NCOA1: variants seen among roughly 807,000 people sequenced by gnomAD.
The protein encoded by NCOA1 is Hin-2 protein.
In NCOA1, 35 loss-of-function variants were observed where a neutral mutation model predicts 150.9. That is an observed-to-expected ratio of 0.23 (90% confidence interval 0.18 to 0.31). NCOA1 has a LOEUF of 0.31. Ranked by LOEUF, NCOA1 falls within the 10% of genes least tolerant of loss-of-function variation. The pLI is 1.00. For missense variants in NCOA1, 1,491 were observed against 1,749.3 expected, an observed-to-expected ratio of 0.85 and a Z score of 2.63; for synonymous variants, 590 against 630.0, an observed-to-expected ratio of 0.94 and a Z score of 0.95.
At chr2:24,693,064 G>A (rs954087242) in intron 9 of NCOA1, among the ~76,000 whole-genome samples, 188 bp from the exon 10 acceptor site, 3 of 152,142 alleles carry the variant, frequency 2.0e-5, no homozygotes, top group Non-Finnish European at 2.9e-5. Flanking sequence ...GGGTTTCACC[G>A]TGTTAGCCAG....
intron 10 of NCOA1, among the ~76,000 whole-genome samples, chr2:24,694,806 A>C (rs1303296842): frequency 1.3e-5 from 2 of 151,930 alleles, no homozygotes; most frequent in East Asian, 3.8e-4. Context: ...AAAAACAAAA[A>C]TTTATTTAAA....
rs1670105242 is a variant in NCOA1, at chr2:24,639,904, G to GCA, written c.-174-4062_-174-4061insCA. Among the ~76,000 whole-genome samples the GCA allele has an allele frequency of 1.0e-4, 5 of 49,582 alleles. 1 individual carries two copies. Among genetic ancestry groups the GCA allele is most frequent in the Admixed American group, 2.8e-4 (1 of 3,528 alleles). The allele number at this position is 49,582 out of a possible 152,430, so 32.5% of individuals were successfully genotyped here. On this transcript the variant is annotated intron_variant, in intron 3 of 22. Transcript: ENST00000348332. The stretch of plus-strand genomic sequence containing the variant: ...CTCTGTCTCAAAAAAAAAAAAAAAA[G>GCA]TATGTGTGTGTGTATATATATATAT...
chr2:24,734,190 A>G (rs902727574), intron 17 of NCOA1, among the ~76,000 whole-genome samples: 2 of 151,906 alleles, frequency 1.3e-5, no homozygotes, highest in Admixed American at 6.5e-5. Context: ...AAAAAAAAAA[A>G]AAGAAGAAAA....
chr2:24,736,450 G>A (rs1663309400), intron 17 of NCOA1, among the ~76,000 whole-genome samples: 1 of 152,004 alleles, frequency 6.6e-6, no homozygotes, highest in African/African-American at 2.4e-5. Context: ...TTAGGGTACT[G>A]AACAAATGTA....
At chr2:24,629,817 CATATATATATATATAT>C (rs57598398) in intron 3 of NCOA1, among the ~76,000 whole-genome samples, 1 of 79,342 alleles carries the variant, frequency 1.3e-5, no homozygotes, top group African/African-American at 4.5e-5. Context: ...AACATACATA[CATATATATATATATAT>C]ATATATATAT....
At chr2:24,667,719 CA>C (rs1671494313) in intron 6 of NCOA1, among the ~76,000 whole-genome samples, 1 of 152,104 alleles carries the variant, frequency 6.6e-6, no homozygotes, top group Admixed American at 6.5e-5. Context: ...CTGCCCTGAC[CA>C]GTGGCAGGCA....
Position 24,691,567 on chromosome 2 carries a change from C to T in NCOA1, c.619C>T (p.Pro207Ser), listed in dbSNP as rs1672669556. The change falls in exon 9 of 23, where the codon CCA (proline) becomes TCA (serine). Residue 207 changes from proline (P) to serine (S), a missense_variant. Pro to Ser is a moderately conservative substitution (Grantham distance 74). Around this residue, in one of 8 missense-constraint regions of NCOA1, gnomAD observed 99 missense variants for 122.8 expected, o/e 0.81. Coordinates refer to ENST00000348332, the MANE Select transcript of NCOA1 (RefSeq NM_003743.5). ...GATGCTAATTCACCCTCCAGATGAG[C>T]CAGGGACCGAGAACCAAGAAGCTTG... ...CRMLIHPPDE[P>S]GTENQEACQR... 1.9e-6 allele frequency: 3 copies of T among 1,613,990 alleles called. No homozygotes were observed. The highest frequency in any genetic ancestry group is 8.5e-7 in the Non-Finnish European group (1 of 1,180,010).
At chr2:24,667,206 G>C (rs1044176628) in intron 6 of NCOA1, among the ~76,000 whole-genome samples, 1 of 152,132 alleles carries the variant, frequency 6.6e-6, no homozygotes, top group South Asian at 2.1e-4. Flanking sequence ...CTGTAAAACT[G>C]CAGAGAGGAG....
chr2:24,568,664 A>G (rs928084915), intron 2 of NCOA1, among the ~76,000 whole-genome samples: 2 of 152,238 alleles, frequency 1.3e-5, no homozygotes, highest in African/African-American at 4.8e-5. Flanking sequence ...AGGAAAAAGC[A>G]GGTCTACTCA....
chr2:24,677,881 T>C (rs1170103333), intron 7 of NCOA1, among the ~76,000 whole-genome samples: 4 of 152,232 alleles, frequency 2.6e-5, no homozygotes, highest in African/African-American at 4.8e-5. Context: ...CTTTTTTTTT[T>C]CTTCAACTTT....
intron 7 of NCOA1, among the ~76,000 whole-genome samples, chr2:24,681,687 G>A (rs1305910283): frequency 1.3e-5 from 2 of 150,766 alleles, no homozygotes; most frequent in Admixed American, 6.6e-5. Flanking sequence ...GTATCTGCTA[G>A]ACAGCAAACT....
chr2:24,698,470 G>A (rs955213579), intron 11 of NCOA1, among the ~76,000 whole-genome samples: 1 of 152,146 alleles, frequency 6.6e-6, no homozygotes, highest in Non-Finnish European at 1.5e-5. Flanking sequence ...GTCTTAGTAA[G>A]TATCATGGAA....
In NCOA1 at chr2:24,500,500, T is replaced by A. The variant is rs906908048; in HGVS notation, c.-396+8898T>A. Among the ~76,000 whole-genome samples, 7 of 152,256 alleles carry A rather than the reference T, an allele frequency of 4.6e-5. No homozygotes were observed. The East Asian group carries it at 1.3e-3, about 29-fold the overall frequency. Reference sequence around the variant, plus strand: ...TCTCTTTCAGTCTGTTGTGGTGGTTTGTAGTTTACAGGGGCTTGGGTAACT... The same window carrying A: ...TCTCTTTCAGTCTGTTGTGGTGGTTAGTAGTTTACAGGGGCTTGGGTAACT... On this transcript the variant is annotated intron_variant, in intron 1 of 22. Transcript: ENST00000348332.
chr2:24,644,017 T>A lies in NCOA1; in HGVS notation c.-123T>A, dbSNP rs1273246487. 6.6e-6 allele frequency: 1 copy of A among 152,192 alleles called. No individual in the cohort carries two copies. The highest frequency in any genetic ancestry group is 2.4e-5 in the African/African-American group (1 of 41,450). 9.4% of individuals were successfully genotyped at this position (152,192 alleles called of 1,614,324 possible). A position where few individuals can be genotyped will look rare whatever the true frequency, so the allele number is the denominator to read the frequency against. ...GGTGAGAGTGAAGAGACTAGAGCCA[T>A]CTCTGGAAAACATCATTATCCCATT... On this transcript the variant is annotated 5_prime_UTR_variant, in exon 4 of 23. Coordinates refer to ENST00000348332, the MANE Select transcript of NCOA1 (RefSeq NM_003743.5).
In NCOA1 at chr2:24,657,545, C is replaced by G. The variant is rs916285133; in HGVS notation, c.-17-1116C>G. On this transcript the variant is annotated intron_variant, in intron 4 of 22. Transcript: ENST00000348332. ...TTTTGGTTGCATGAAATAATAAGTT[C>G]ATGATTAAAATGTTAGGGATTATTT... is the stretch of plus-strand genomic sequence containing the variant. Among the ~76,000 whole-genome samples, 4 of 152,076 alleles carry G rather than the reference C, an allele frequency of 2.6e-5. No homozygotes were observed. In the East Asian group the frequency reaches 7.7e-4, roughly 29 times the overall value.
intron 3 of NCOA1, among the ~76,000 whole-genome samples, chr2:24,616,042 C>G (rs963723278): frequency 2.0e-5 from 3 of 152,140 alleles, no homozygotes; most frequent in Non-Finnish European, 4.4e-5. Flanking sequence ...ATAAAAATGG[C>G]ACTCTTTATA....
chr2:24,744,776 T>G (rs1663806800), intron 19 of NCOA1, among the ~76,000 whole-genome samples: 1 of 152,230 alleles, frequency 6.6e-6, no homozygotes, highest in South Asian at 2.1e-4. Flanking sequence ...AAAGTTTTAA[T>G]GGAACACAGC....
intron 2 of NCOA1, among the ~76,000 whole-genome samples, chr2:24,575,138 G>C (rs1364430454): frequency 6.6e-6 from 1 of 151,846 alleles, no homozygotes; most frequent in Non-Finnish European, 1.5e-5. Flanking sequence ...GCTTGTTTGT[G>C]TGTTGCTGCA....
At chr2:24,728,517 A>G (rs772038143) in intron 16 of NCOA1, 41 bp downstream of exon 16, 1 of 1,536,428 alleles carries the variant, frequency 6.5e-7, no homozygotes, top group South Asian at 1.2e-5. Context: ...ATGGAGCCCT[A>G]AGAAGCTAGA....
Sources: allele counts gnomAD v4.1 joint callset (sites outside exome capture counted in the v4.1 genomes callset), GRCh38; gene constraint gnomAD v4.1.1; regional missense constraint gnomAD v4.1.1; transcripts MANE v1.5; gene names NCBI Gene and HGNC (gene_info 2026-07-23, HGNC 2026-07-21).